Variants in TAF1C observed in about 807,000 individuals in gnomAD.
TAF1C encodes TATA-box binding protein associated factor, RNA polymerase I subunit C, also known as TATA box-binding protein-associated factor RNA polymerase I subunit C.
In TAF1C, 79 loss-of-function variants were observed where a neutral mutation model predicts 70.5. That is an observed-to-expected ratio of 1.12 (90% CI 0.93 to 1.35). The LOEUF (loss-of-function observed/expected upper bound fraction) is 1.35. TAF1C is among the 40% of genes most tolerant of loss of function. The pLI is 0.00. For missense variants in TAF1C, 1,412 were observed against 1,127.8 expected (o/e 1.25, Z -3.61); for synonymous variants, 614 against 491.1 (o/e 1.25, Z -3.31).
Position 84,182,959 on chromosome 16 carries a change from T to C in TAF1C, c.482+117A>G, listed in dbSNP as rs1328707346. 4 of 1,001,644 alleles carry C rather than the reference T, an allele frequency of 4.0e-6. No individual in the cohort carries two copies. Among genetic ancestry groups the C allele is most frequent in the African/African-American group, 3.2e-5 (2 of 63,308 alleles). 62.0% of individuals were successfully genotyped at this position (1,001,644 alleles called of 1,614,324 possible). A position where few individuals can be genotyped will look rare whatever the true frequency, so the allele number is the denominator to read the frequency against. ...TGGTATAAGAAAGTACAGCTCAGAC[T>C]GCATGGAGCAGGGGGGAAGTGGGTA... On this transcript the variant is annotated intron_variant, in intron 6 of 14. Coordinates refer to ENST00000566732, the MANE Select transcript of TAF1C (RefSeq NM_001243156.2). The surrounding 1 kb of genome is among the most constrained non-coding windows in gnomAD (Gnocchi z 5.0).
At chr16:84,186,632 T>G (rs889359941) in intron 1 of TAF1C, among the ~76,000 whole-genome samples, 1 of 152,200 alleles carries the variant, frequency 6.6e-6, no homozygotes, top group Admixed American at 6.5e-5. Context: ...AGGGCGCTGG[T>G]GGAGAGCACG....
In TAF1C at chr16:84,179,249, G is replaced by A; in HGVS notation, c.2224C>T (p.Pro742Ser). 2.5e-6 allele frequency: 4 copies of A among 1,584,394 alleles called. No homozygotes were observed. Among genetic ancestry groups the A allele is most frequent in the Non-Finnish European group, 3.4e-6 (4 of 1,171,660 alleles). ...TGAGGGGAGCTGGTGTCCTCTGAGG[G>A]ATCCACATGGCCACTGAGCGAAAAG... ...SSFSLSGHVD[P>S]SEDTSSPHSP... The change falls in exon 15 of 15, where the codon CCC (proline) becomes TCC (serine). Residue 742 changes from proline (P) to serine (S), a missense_variant. Physicochemically the swap from Pro to Ser is moderately conservative, Grantham distance 74. Coordinates refer to ENST00000566732, the MANE Select transcript of TAF1C (RefSeq NM_001243156.2).
Position 84,179,764 on chromosome 16 carries a change from T to C in TAF1C, c.1709A>G (p.Tyr570Cys), listed in dbSNP as rs1334997798. ...GTCCACCTGGGGGCGGAGCTGCTGG[T>C]AGAAGACATCTCCCGCCGCCGAGAG... ...FQLSAAGDVF[Y>C]QQLRPQVDSS... The change falls in exon 15 of 15, where the codon TAC (tyrosine) becomes TGC (cysteine). Residue 570 changes from tyrosine (Y) to cysteine (C), a missense_variant. Transcript: ENST00000566732. The C allele has an allele frequency of 5.6e-6, 9 of 1,609,790 alleles. No homozygotes were observed. The highest frequency in any genetic ancestry group is 7.6e-6 in the Non-Finnish European group (9 of 1,178,932).
In TAF1C at chr16:84,178,330, A is replaced by T; in HGVS notation, c.*611T>A. The T allele has an allele frequency of 2.2e-6, 1 of 456,944 alleles. No individual in the cohort carries two copies. The highest frequency in any genetic ancestry group is 1.5e-5 in the South Asian group (1 of 64,562). The allele number at this position is 456,944 out of a possible 1,614,324, so 28.3% of individuals were successfully genotyped here. A position where few individuals can be genotyped will look rare whatever the true frequency, so the allele number is the denominator to read the frequency against. On this transcript the variant is annotated 3_prime_UTR_variant, in exon 15 of 15. Coordinates refer to ENST00000566732, the MANE Select transcript of TAF1C (RefSeq NM_001243156.2). ...TCTCTGCATGAGCTCAGTGTCAGGT[A>T]GTAGCTGTGGCGGGACGCTGTCCAG...
At chr16:84,183,561 G>A in intron 3 of TAF1C, 54 bp from the exon 4 acceptor site, 1 of 1,564,260 alleles carries the variant, frequency 6.4e-7, no homozygotes, top group Non-Finnish European at 8.7e-7. Flanking sequence ...GCGGCCAGAT[G>A]CCCTGGGCGA....
chr16:84,185,119 A>T, intron 1 of TAF1C, 59 bp from the exon 2 acceptor site: 2 of 1,178,890 alleles, frequency 1.7e-6, no homozygotes, highest in Non-Finnish European at 2.3e-6. Context: ...CAGATAACAA[A>T]AAACAAATAT....
chr16:84,186,814 T>C (rs955891820), intron 1 of TAF1C, 87 bp downstream of exon 1: 4 of 152,176 alleles, frequency 2.6e-5, no homozygotes, highest in African/African-American at 7.2e-5. Flanking sequence ...GGACTGGGGA[T>C]TGGGGGCGTC....
chr16:84,179,459 C>G lies in TAF1C; in HGVS notation c.2014G>C (p.Gly672Arg). Residue 672 changes from glycine to arginine, a missense_variant, in exon 15 of 15, where the codon GGC (glycine) becomes CGC (arginine). Coordinates refer to ENST00000566732, the MANE Select transcript of TAF1C (RefSeq NM_001243156.2). ...RGQLLLQRDLGSLPAAEPPPA... is the reference protein window; with the variant it reads ...RGQLLLQRDLRSLPAAEPPPA... ...GGTGGCTCTGCCGCAGGGAGGGAGC[C>G]CAGGTCTCTCTGCAGCAGGAGCTGC... 1.3e-6 allele frequency: 2 copies of G among 1,597,780 alleles called. No individual in the cohort carries two copies. The highest frequency in any genetic ancestry group is 1.7e-6 in the Non-Finnish European group (2 of 1,176,778).
rs756368672 is a variant in TAF1C at position 84,181,424 on chromosome 16, G to C, written c.1068C>G (p.Phe356Leu). 9 of 1,613,856 alleles carry C rather than the reference G, an allele frequency of 5.6e-6. No homozygotes were observed. The Middle Eastern group carries it at 8.2e-4, about 148-fold the overall frequency. ...QIYRDPETLV[F>L]RDSSSWRWAD... ...CCCAACGCCACGAAGAGGAGTCCCG[G>C]AACACGAGGGTCTCAGGGTCCCTGT... Residue 356 changes from phenylalanine to leucine, a missense_variant, in exon 11 of 15, where the codon TTC becomes TTG. By Grantham distance (22) the Phe-to-Leu change is conservative. Coordinates refer to ENST00000566732, the MANE Select transcript of TAF1C (RefSeq NM_001243156.2).
intron 13 of TAF1C, 24 bp downstream of exon 13, chr16:84,180,146 G>C (rs751038649): frequency 1.3e-6 from 2 of 1,555,536 alleles, no homozygotes; most frequent in African/African-American, 2.8e-5. Context: ...CCCACACGCC[G>C]CCCACCCTGG....
At position 84,179,553 on chromosome 16, in the gene TAF1C, G is replaced by C; in HGVS notation, c.1920C>G (p.Ser640Arg). ...CCTCTTCCTCCCTCCGCAGCTCTGT[G>C]CTGCCCAGCATCTGGCGGTGGGTGA... ...PTFTHRQMLGSTELRREEEEG... is the reference protein window; with the variant it reads ...PTFTHRQMLGRTELRREEEEG... Residue 640 changes from serine to arginine, a missense_variant, in exon 15 of 15, where the codon AGC becomes AGG. Transcript: ENST00000566732. The C allele has an allele frequency of 6.2e-7, 1 of 1,612,322 alleles. No homozygotes were observed. Among genetic ancestry groups the C allele is most frequent in the South Asian group, 1.1e-5 (1 of 91,064 alleles).
Position 84,181,979 on chromosome 16 carries a change from A to T in TAF1C, c.801T>A (p.Pro267=). ...CGGTGCATGTCACCACTTGCCGGAC[A>T]GGTCCCTGGAGCTGGATGCGTCCAG... ...GKPGRIQLQG[P]VRQVVTCTVQ... Residue 267 remains proline (P), a synonymous_variant, in exon 8 of 15, where the codon CCT becomes CCA. Transcript: ENST00000566732. 1 of 1,613,860 alleles carries T rather than the reference A, an allele frequency of 6.2e-7. No individual in the cohort carries two copies. Among genetic ancestry groups the T allele is most frequent in the Non-Finnish European group, 8.5e-7 (1 of 1,180,020 alleles).
At chr16:84,186,121 G>T (rs998908334) in intron 1 of TAF1C, among the ~76,000 whole-genome samples, 13 of 152,248 alleles carry the variant, frequency 8.5e-5, no homozygotes, top group South Asian at 4.1e-4. Context: ...CGAAGGCTCA[G>T]CAAGAACTTT....
At position 84,178,893 on chromosome 16, in the gene TAF1C, G is replaced by A. The variant is rs1386808056; in HGVS notation, c.*48C>T. 4.0e-6 allele frequency: 6 copies of A among 1,511,986 alleles called. No homozygotes were observed. The South Asian group carries it at 5.2e-5, about 13-fold the overall frequency. 93.7% of individuals were successfully genotyped at this position (1,511,986 alleles called of 1,614,324 possible). ...GTGGAAGGCACATCTGGTCCCAGAG[G>A]AAGGATGAGGGGCTCTCTGGGGCTT... is the stretch of plus-strand genomic sequence containing the variant. On this transcript the variant is annotated 3_prime_UTR_variant, in exon 15 of 15. Transcript: ENST00000566732.
chr16:84,179,488 C>A lies in TAF1C; in HGVS notation c.1985G>T (p.Arg662Leu), dbSNP rs544400370. The stretch of plus-strand genomic sequence containing the variant: ...GTCTCTCTGCAGCAGGAGCTGCCCT[C>A]GGGCCATGGCCTTGCGGAGCACACC... ...RLGVLRKAMA[R>L]GQLLLQRDLG... is the part of the protein sequence containing the mutation. Residue 662 changes from arginine to leucine, a missense_variant, in exon 15 of 15, where the codon CGA (arginine) becomes CTA (leucine). Physicochemically the swap from Arg to Leu is moderately radical, Grantham distance 102 (BLOSUM62 -2). Transcript: ENST00000566732. The A allele has an allele frequency of 1.3e-6, 2 of 1,599,384 alleles. No individual in the cohort carries two copies. The highest frequency in any genetic ancestry group is 2.2e-5 in the East Asian group (1 of 44,684).
chr16:84,183,105 G>A lies in TAF1C; in HGVS notation c.453C>T (p.Leu151=). 1.2e-6 allele frequency: 2 copies of A among 1,614,096 alleles called. No individual in the cohort carries two copies. Among genetic ancestry groups the A allele is most frequent in the East Asian group, 2.2e-5 (1 of 44,880 alleles). ...KKTVVSVKKL[L]QDLGGHQPWG... is the part of the protein sequence containing the mutation. ...AGGGCTGGTGTCCACCGAGGTCCTG[G>A]AGCAGCTTCTTCACACTGACCACTG... The change falls in exon 6 of 15, where the codon CTC becomes CTT. Residue 151 remains leucine (L), a synonymous_variant. Transcript: ENST00000566732.
rs2089023348 is a variant in TAF1C at position 84,179,846 on chromosome 16, C to G, written c.1627G>C (p.Ala543Pro). The stretch of plus-strand genomic sequence containing the variant: ...GAGGGCAAGGGCGGGACGACGGCAG[C>G]CAGACCTGGTGACGGGAATGACAAT... ...ERLKAPTIGL[A>P]AVVPPLPSAP... Residue 543 changes from alanine (A) to proline (P), a missense_variant, in exon 15 of 15, where the codon GCT becomes CCT. Coordinates refer to ENST00000566732, the MANE Select transcript of TAF1C (RefSeq NM_001243156.2). The G allele has an allele frequency of 6.2e-7, 1 of 1,606,244 alleles. No individual in the cohort carries two copies. Among genetic ancestry groups the G allele is most frequent in the Non-Finnish European group, 8.5e-7 (1 of 1,175,566 alleles).
intron 12 of TAF1C, chr16:84,180,785 G>C (rs548437554): frequency 2.3e-5 from 28 of 1,225,322 alleles, no homozygotes; most frequent in Non-Finnish European, 2.8e-5. Context: ...GCCCCACCCC[G>C]AGGCCCCTCC....
At position 84,184,903 on chromosome 16, in the gene TAF1C, C is replaced by A; in HGVS notation, c.86G>T (p.Cys29Phe). The A allele has an allele frequency of 6.2e-7, 1 of 1,613,334 alleles. No individual in the cohort carries two copies. Among genetic ancestry groups the A allele is most frequent in the Non-Finnish European group, 8.5e-7 (1 of 1,179,706 alleles). ...CAGAGTCAGTGCGTCTCGCCAGCTGCACATGAAAGAGAGGTCAGGGACGTC... is the reference window on the plus strand; with the variant it reads ...CAGAGTCAGTGCGTCTCGCCAGCTGAACATGAAAGAGAGGTCAGGGACGTC... ...LSDVPDLSFMCSWRDALTLPE... is the reference protein window; with the variant it reads ...LSDVPDLSFMFSWRDALTLPE... Residue 29 changes from cysteine to phenylalanine, a missense_variant, in exon 2 of 15, where the codon TGC (cysteine) becomes TTC (phenylalanine). Coordinates refer to ENST00000566732, the MANE Select transcript of TAF1C (RefSeq NM_001243156.2).
Sources: allele counts gnomAD v4.1 joint callset (sites outside exome capture counted in the v4.1 genomes callset), GRCh38; gene constraint gnomAD v4.1.1; non-coding constraint Gnocchi (gnomAD v3.1); transcripts MANE v1.5; gene names NCBI Gene and HGNC (gene_info 2026-07-23, HGNC 2026-07-21).